GPT2: variants seen among roughly 807,000 people sequenced by gnomAD.
GPT2 encodes alanine aminotransferase 2.
In GPT2, 30 loss-of-function variants were observed where a neutral mutation model predicts 56.9. The observed-to-expected ratio is 0.53, with a 90% CI of 0.39 to 0.72. GPT2 has a LOEUF of 0.72. GPT2 is among the 30% of genes least tolerant of loss of function. The pLI, the probability that GPT2 is intolerant of heterozygous loss-of-function variation, is 0.00. For synonymous variants in GPT2, 271 were observed against 283.1 expected (o/e 0.96, Z 0.43); for missense variants, 542 against 703.4 (o/e 0.77, Z 2.60).
Position 46,929,091 on chromosome 16 carries a change from C to T in GPT2, c.*94C>T, listed in dbSNP as rs941777940. ...CCTCCCCCGTGACTCTGCCTCGGGC[C>T]TCGCAGAGGCCGCTGGTCACTTCGT... On this transcript the variant is annotated 3_prime_UTR_variant, in exon 12 of 12. Transcript: ENST00000340124. 1.7e-5 allele frequency: 16 copies of T among 916,256 alleles called. No individual in the cohort carries two copies. The highest frequency in any genetic ancestry group is 2.7e-5 in the Non-Finnish European group (15 of 557,446). The allele number at this position is 916,256 out of a possible 1,614,324, so 56.8% of individuals were successfully genotyped here.
intron 5 of GPT2, 95 bp from the exon 6 acceptor site, chr16:46,909,589 G>A (rs1343232927): frequency 7.0e-7 from 1 of 1,424,146 alleles, no homozygotes; most frequent in Non-Finnish European, 9.6e-7. Flanking sequence ...CTTGCACAGA[G>A]TTGGACTGGA....
chr16:46,905,953 G>C (rs555591259), intron 4 of GPT2, among the ~76,000 whole-genome samples: 1 of 152,342 alleles, frequency 6.6e-6, no homozygotes, highest in Middle Eastern at 3.4e-3. Flanking sequence ...ATGGCAGCGG[G>C]AGGGTATGTT....
chr16:46,917,584 T>C (rs182825706), intron 7 of GPT2, among the ~76,000 whole-genome samples: 13 of 152,292 alleles, frequency 8.5e-5, no homozygotes, highest in Non-Finnish European at 1.6e-4. Context: ...TTATTTCCTC[T>C]TCATTTCTGC....
In GPT2 at chr16:46,930,319, C is replaced by T. The variant is rs914178811; in HGVS notation, c.*1322C>T. ...CCCTCACTGGGAGCTTCCCCATCCTCCCTGCCTTCCCCAGTGGGAAGTTAG... is the reference window on the plus strand; with the variant it reads ...CCCTCACTGGGAGCTTCCCCATCCTTCCTGCCTTCCCCAGTGGGAAGTTAG... On this transcript the variant is annotated 3_prime_UTR_variant, in exon 12 of 12. Transcript: ENST00000340124. 1 of 152,302 alleles carries T rather than the reference C, an allele frequency of 6.6e-6. No individual in the cohort carries two copies. The highest frequency in any genetic ancestry group is 2.4e-5 in the African/African-American group (1 of 41,482). The allele number at this position is 152,302 out of a possible 1,614,324, so 9.4% of individuals were successfully genotyped here. A position where few individuals can be genotyped will look rare whatever the true frequency, so the allele number is the denominator to read the frequency against.
intron 4 of GPT2, among the ~76,000 whole-genome samples, chr16:46,902,020 A>G (rs1960829398): frequency 6.6e-6 from 1 of 152,236 alleles, no homozygotes; most frequent in South Asian, 2.1e-4. Flanking sequence ...CCATGGGCCT[A>G]AAACTCCTGG....
Position 46,931,185 on chromosome 16 carries a change from C to T in GPT2, c.*2188C>T, listed in dbSNP as rs1329416303. 1 of 152,170 alleles carries T rather than the reference C, an allele frequency of 6.6e-6. No individual in the cohort carries two copies. Among genetic ancestry groups the T allele is most frequent in the Admixed American group, 6.6e-5 (1 of 15,258 alleles). 9.4% of individuals were successfully genotyped at this position (152,170 alleles called of 1,614,324 possible). A position where few individuals can be genotyped will look rare whatever the true frequency, so the allele number is the denominator to read the frequency against. On this transcript the variant is annotated 3_prime_UTR_variant, in exon 12 of 12. Coordinates refer to ENST00000340124, the MANE Select transcript of GPT2 (RefSeq NM_133443.4). ...TTGGGGAGGAACAGATGCAGATCAA[C>T]CTGTGGCTGTTTTCCCGTCTAGGTT...
intron 3 of GPT2, among the ~76,000 whole-genome samples, chr16:46,898,967 C>CACACACATATATGTGTATATATAT (rs1567335065): frequency 1.6e-4 from 2 of 12,796 alleles, no homozygotes; most frequent in African/African-American, 3.5e-4. Context: ...TATATATATA[C>CACACACATATATGTGTATATATAT]ACACACACAT....
At chr16:46,894,498 T>C (rs925483550) in intron 2 of GPT2, among the ~76,000 whole-genome samples, 1 of 152,140 alleles carries the variant, frequency 6.6e-6, no homozygotes, top group African/African-American at 2.4e-5. Flanking sequence ...ACACAGAGGC[T>C]TGGGTAACTG....
chr16:46,918,285 G>T (rs540190465), intron 7 of GPT2, among the ~76,000 whole-genome samples: 31 of 152,298 alleles, frequency 2.0e-4, no homozygotes, highest in African/African-American at 7.2e-4. Context: ...AGGAAGCACC[G>T]TGCTTTAGGA....
At chr16:46,891,468 A>G (rs1011302710) in intron 2 of GPT2, among the ~76,000 whole-genome samples, 1 of 151,862 alleles carries the variant, frequency 6.6e-6, no homozygotes, top group African/African-American at 2.4e-5. Context: ...TAGTGGCGCA[A>G]TCTCAGCTCA....
chr16:46,898,364 A>G lies in GPT2; in HGVS notation c.333+627A>G, dbSNP rs566807630. Among the ~76,000 whole-genome samples, 17 of 152,156 alleles carry G rather than the reference A, an allele frequency of 1.1e-4. No homozygotes were observed. In the East Asian group the frequency reaches 2.7e-3, roughly 24 times the overall value. ...CAGGCTCCAGGAGAAGGCGGCTTCCATGTTTCAGTCTGAGCACTAACCTCG... is the reference window on the plus strand; with the variant it reads ...CAGGCTCCAGGAGAAGGCGGCTTCCGTGTTTCAGTCTGAGCACTAACCTCG... On this transcript the variant is annotated intron_variant, in intron 3 of 11. Transcript: ENST00000340124.
At chr16:46,923,335 G>C (rs1372195251) in intron 9 of GPT2, among the ~76,000 whole-genome samples, 1 of 152,188 alleles carries the variant, frequency 6.6e-6, no homozygotes, top group Non-Finnish European at 1.5e-5. Context: ...GTACATGCCT[G>C]TTATCCCAAC....
At chr16:46,894,704 C>T (rs1037614717) in intron 2 of GPT2, among the ~76,000 whole-genome samples, 11 of 151,474 alleles carry the variant, frequency 7.3e-5, no homozygotes, top group Admixed American at 3.9e-4. Context: ...CTCGCTCTGT[C>T]GCCCAGGCTG....
chr16:46,918,696 G>A lies in GPT2; in HGVS notation c.976G>A (p.Glu326Lys), dbSNP rs1456331557. The A allele has an allele frequency of 6.8e-6, 11 of 1,614,068 alleles. No homozygotes were observed. The highest frequency in any genetic ancestry group is 1.6e-4 in the Middle Eastern group (1 of 6,084). The change falls in exon 8 of 12, where the codon GAG (glutamate) becomes AAG (lysine). Residue 326 changes from glutamate (E) to lysine (K), a missense_variant. By Grantham distance (56) the Glu-to-Lys change is moderately conservative. Transcript: ENST00000340124. ...FKKVLYEMGPEYSSNVELASF... is the reference protein window; with the variant it reads ...FKKVLYEMGPKYSSNVELASF... ...GAAGGTGCTGTACGAGATGGGGCCC[G>A]AGTACTCCAGCAACGTGGAGCTCGC...
intron 2 of GPT2, among the ~76,000 whole-genome samples, chr16:46,893,479 G>C (rs1415271104): frequency 3.3e-5 from 5 of 152,156 alleles, no homozygotes; most frequent in African/African-American, 4.8e-5. Context: ...GCAGATGCTG[G>C]AGCCACGGAT....
chr16:46,908,323 C>T, intron 5 of GPT2, among the ~76,000 whole-genome samples: 1 of 142,838 alleles, frequency 7.0e-6, no homozygotes, highest in African/African-American at 2.6e-5. Flanking sequence ...CAGTCCTGAG[C>T]TTGGGAGACT....
chr16:46,887,635 T>G (rs184443807), intron 2 of GPT2, among the ~76,000 whole-genome samples: 62 of 151,962 alleles, frequency 4.1e-4, no homozygotes, highest in Non-Finnish European at 8.2e-4. Context: ...TTATACCTCC[T>G]TGTCCATTCA....
At chr16:46,926,810 G>A in intron 10 of GPT2, 115 bp from the exon 11 acceptor site, 2 of 599,238 alleles carry the variant, frequency 3.3e-6, no homozygotes. Flanking sequence ...AGCGGAAGGG[G>A]AGAAGGGCAC....
intron 11 of GPT2, among the ~76,000 whole-genome samples, chr16:46,928,203 C>G (rs544360215): frequency 2.6e-5 from 4 of 151,882 alleles, no homozygotes; most frequent in Non-Finnish European, 5.9e-5. Flanking sequence ...TGGCGCATGC[C>G]CGTAATCCTA....
Sources: gnomAD v4.1 joint callset for allele counts (sites outside exome capture counted in the v4.1 genomes callset) on GRCh38, gnomAD v4.1.1 for gene constraint, MANE v1.5 for transcripts, NCBI Gene and HGNC (gene_info 2026-07-23, HGNC 2026-07-21) for gene names.